FNBP4: variants seen among roughly 807,000 people sequenced by gnomAD.
The protein encoded by FNBP4 is formin binding protein 4, also known as formin-binding protein 4.
Under a neutral mutation model 119.3 loss-of-function variants are expected in FNBP4, and 34 were observed. The observed-to-expected ratio is 0.28, with a 90% confidence interval of 0.22 to 0.38. The LOEUF is 0.38. FNBP4 is among the 10% of genes least tolerant of loss of function. The pLI, the probability that FNBP4 is intolerant of heterozygous loss-of-function variation, is 1.00. For missense variants in FNBP4, 1,112 were observed against 1,228.9 expected (o/e 0.90, Z 1.42); for synonymous variants, 462 against 430.6 (o/e 1.07, Z -0.90).
At position 47,746,050 on chromosome 11, in the gene FNBP4, G is replaced by T; in HGVS notation, c.1245+6C>A. 6.3e-7 allele frequency: 1 copy of T among 1,586,774 alleles called. No individual in the cohort carries two copies. The highest frequency in any genetic ancestry group is 2.2e-5 in the East Asian group (1 of 44,740). The stretch of plus-strand genomic sequence containing the variant: ...AACATTCTACAAGTAACTTTCAAAA[G>T]CTTACTTTTTTCCTTTCCAAAACTA... On this transcript the variant is annotated splice_donor_region_variant and intron_variant, in intron 7 of 16. Coordinates refer to ENST00000263773, the MANE Select transcript of FNBP4 (RefSeq NM_015308.5).
At chr11:47,762,641 G>A (rs1389127519) in intron 2 of FNBP4, among the ~76,000 whole-genome samples, 5 of 151,966 alleles carry the variant, frequency 3.3e-5, no homozygotes, top group Non-Finnish European at 7.4e-5. Context: ...GGCCAAGTGT[G>A]ATGGCTCATG....
intron 6 of FNBP4, among the ~76,000 whole-genome samples, chr11:47,747,142 A>C (rs1032470630): frequency 6.6e-6 from 1 of 151,480 alleles, no homozygotes; most frequent in Non-Finnish European, 1.5e-5. Flanking sequence ...AGCGATTCCC[A>C]GCCTCACAGC....
At chr11:47,745,985 G>A (rs1359121079) in intron 7 of FNBP4, 71 bp downstream of exon 7, 2 of 1,294,518 alleles carry the variant, frequency 1.5e-6, no homozygotes, top group Non-Finnish European at 2.1e-6. Context: ...ATGGTTGTAA[G>A]TCAAGCACAA....
At chr11:47,739,937 C>A (rs1487365793) in intron 8 of FNBP4, among the ~76,000 whole-genome samples, 1 of 140,558 alleles carries the variant, frequency 7.1e-6, no homozygotes, top group Non-Finnish European at 1.5e-5. Context: ...CGCCACCACG[C>A]CCGGCTAGTT....
chr11:47,724,606 T>TGGA lies in FNBP4; in HGVS notation c.2178_2180dup (p.Pro731dup). On this transcript the variant is annotated inframe_insertion, in exon 13 of 17. Transcript: ENST00000263773. ...CACCATCTTCCGCAGGAGGAGGTGG[T>TGGA]GGAGGAGGGGGTGGAGGTGATTCTG... 1 of 1,613,244 alleles carries TGGA rather than the reference T, an allele frequency of 6.2e-7. No homozygotes were observed. Among genetic ancestry groups the TGGA allele is most frequent in the African/African-American group, 1.3e-5 (1 of 74,820 alleles).
intron 11 of FNBP4, 117 bp from the exon 12 acceptor site, chr11:47,731,678 C>A: frequency 6.9e-7 from 1 of 1,451,256 alleles, no homozygotes; most frequent in Non-Finnish European, 9.0e-7. Context: ...TCTTAATGGA[C>A]TGCTATTCAC....
chr11:47,766,269 C>G (rs1273496028), intron 1 of FNBP4, among the ~76,000 whole-genome samples: 2 of 151,996 alleles, frequency 1.3e-5, no homozygotes, highest in African/African-American at 2.4e-5. Flanking sequence ...AGCCCAAGAT[C>G]GCGCCACTGC....
At position 47,732,418 on chromosome 11, in the gene FNBP4, C is replaced by A. The variant is rs950972848; in HGVS notation, c.1820+119G>T. 11 of 1,547,022 alleles carry A rather than the reference C, an allele frequency of 7.1e-6. No individual in the cohort carries two copies. The African/African-American group carries it at 1.2e-4, about 17-fold the overall frequency. On this transcript the variant is annotated intron_variant, in intron 11 of 16. Coordinates refer to ENST00000263773, the MANE Select transcript of FNBP4 (RefSeq NM_015308.5). This position sits in a 1 kb window ranked among gnomAD's most constrained non-coding sequence, Gnocchi z 4.2. ...CTTGCGGTGCTTTGCCTGCCCAGCACCGCTAACTGCAGCTGCTCTCAGTCT... is the reference window on the plus strand; with the variant it reads ...CTTGCGGTGCTTTGCCTGCCCAGCAACGCTAACTGCAGCTGCTCTCAGTCT...
chr11:47,734,168 G>T, intron 9 of FNBP4, 39 bp from the exon 10 acceptor site: 1 of 1,186,532 alleles, frequency 8.4e-7, no homozygotes, highest in Non-Finnish European at 1.2e-6. Flanking sequence ...ACTAGAATCC[G>T]TAACATTTTC....
At position 47,765,275 on chromosome 11, in the gene FNBP4, G is replaced by T. The variant is rs772817880; in HGVS notation, c.308C>A (p.Ala103Glu). ...AAAACAAAACAAAAGCATACCTGTTGCTTTAACAGCTGTGGGTCTAGTGGT... is the reference window on the plus strand; with the variant it reads ...AAAACAAAACAAAAGCATACCTGTTTCTTTAACAGCTGTGGGTCTAGTGGT... ...VMTTRPTAVK[A>E]TGGLCLLGAY... Residue 103 changes from alanine to glutamate, a missense_variant, in exon 2 of 17, where the codon GCA becomes GAA. By Grantham distance (107) the Ala-to-Glu change is moderately radical. Around this residue, in one of 2 missense-constraint regions of FNBP4, gnomAD observed 286 missense variants for 240.1 expected, o/e 1.19. Transcript: ENST00000263773. The T allele has an allele frequency of 6.2e-7, 1 of 1,604,786 alleles. No homozygotes were observed. Among genetic ancestry groups the T allele is most frequent in the Non-Finnish European group, 8.5e-7 (1 of 1,175,572 alleles).
At chr11:47,722,409 T>C (rs776748887) in intron 15 of FNBP4, among the ~76,000 whole-genome samples, 1 of 151,508 alleles carries the variant, frequency 6.6e-6, no homozygotes, top group East Asian at 1.9e-4. Flanking sequence ...AGAGAAGCAG[T>C]TGTATGTTTG....
chr11:47,723,935 A>T, intron 14 of FNBP4, 93 bp downstream of exon 14: 4 of 1,126,644 alleles, frequency 3.6e-6, no homozygotes, highest in East Asian at 2.5e-5. Flanking sequence ...TGCAATCAAG[A>T]GCCTTTAACA....
At chr11:47,740,595 A>G (rs975705060) in intron 8 of FNBP4, among the ~76,000 whole-genome samples, 5 of 133,698 alleles carry the variant, frequency 3.7e-5, no homozygotes, top group Non-Finnish European at 6.9e-5. Flanking sequence ...ATACATATGT[A>G]TTTGTTTTTT....
chr11:47,747,888 C>T (rs1327450987), intron 6 of FNBP4, among the ~76,000 whole-genome samples: 1 of 151,732 alleles, frequency 6.6e-6, no homozygotes, highest in African/African-American at 2.4e-5. Context: ...GCAGAGGTTG[C>T]AGTGAACTGA....
chr11:47,736,703 A>G lies in FNBP4; in HGVS notation c.1494T>C (p.Asn498=). 6.2e-7 allele frequency: 1 copy of G among 1,603,554 alleles called. No individual in the cohort carries two copies. Among genetic ancestry groups the G allele is most frequent in the Non-Finnish European group, 8.5e-7 (1 of 1,172,794 alleles). The change falls in exon 9 of 17, where the codon AAT becomes AAC. Residue 498 remains asparagine, a synonymous_variant. Coordinates refer to ENST00000263773, the MANE Select transcript of FNBP4 (RefSeq NM_015308.5). Reference sequence around the variant, plus strand: ...CTTCTACTTCCATCTCTTTATCTGAATTCTCATCTATTTTTTCTGAATTTT... The same window carrying G: ...CTTCTACTTCCATCTCTTTATCTGAGTTCTCATCTATTTTTTCTGAATTTT... ...GAENSEKIDE[N]SDKEMEVEES...
chr11:47,718,315 G>C (rs1263199273), intron 16 of FNBP4, among the ~76,000 whole-genome samples: 1 of 152,052 alleles, frequency 6.6e-6, no homozygotes, highest in Non-Finnish European at 1.5e-5. Context: ...CTAGGTCCAA[G>C]CGATTCTCCT....
chr11:47,765,537 C>G (rs1332745342), intron 1 of FNBP4, among the ~76,000 whole-genome samples, 175 bp from the exon 2 acceptor site: 1 of 122,174 alleles, frequency 8.2e-6, no homozygotes, highest in Non-Finnish European at 1.6e-5. Flanking sequence ...GGGTTCGCAC[C>G]TGTAATCCCA....
Position 47,736,488 on chromosome 11 carries a change from A to G in FNBP4, c.1581+128T>C, listed in dbSNP as rs188630597. ...GGAGAATGGCTTGAACCCAGGAGGC[A>G]GGCAGAGGTTGCAGTGAGCTGAGAT... is the stretch of plus-strand genomic sequence containing the variant. On this transcript the variant is annotated intron_variant, in intron 9 of 16. Coordinates refer to ENST00000263773, the MANE Select transcript of FNBP4 (RefSeq NM_015308.5). 206 of 660,390 alleles carry G rather than the reference A, an allele frequency of 3.1e-4. 4 individuals are homozygous for G. In the East Asian group the frequency reaches 6.6e-3, roughly 21 times the overall value. 40.9% of individuals were successfully genotyped at this position (660,390 alleles called of 1,614,324 possible).
intron 9 of FNBP4, among the ~76,000 whole-genome samples, chr11:47,734,930 G>T (rs1022921795): frequency 2.0e-5 from 3 of 149,948 alleles, no homozygotes. Context: ...CCAAGATTGT[G>T]CCACTGCAAT....
Sources: gnomAD v4.1 joint callset for allele counts (sites outside exome capture counted in the v4.1 genomes callset) on GRCh38, gnomAD v4.1.1 for gene constraint, gnomAD v4.1.1 regional missense constraint, Gnocchi (gnomAD v3.1) non-coding constraint, MANE v1.5 for transcripts, NCBI Gene and HGNC (gene_info 2026-07-23, HGNC 2026-07-21) for gene names.